Variants in FBXL17 observed in about 807,000 individuals in gnomAD.
FBXL17 encodes F-box and leucine rich repeat protein 17, also known as F-box/LRR-repeat protein 17.
FBXL17 carries 22 observed loss-of-function variants against 66.2 expected under a neutral mutation model. The observed-to-expected ratio is 0.33, with a 90% CI of 0.24 to 0.47. The LOEUF is 0.47. Ranked by LOEUF, FBXL17 falls within the 20% of genes least tolerant of loss-of-function variation. The pLI is 1.00. For synonymous variants in FBXL17, 474 were observed against 400.5 expected, an observed-to-expected ratio of 1.18 and a Z score of -2.19; for missense variants, 878 against 948.2, an observed-to-expected ratio of 0.93 and a Z score of 0.97.
intron 6 of FBXL17, among the ~76,000 whole-genome samples, chr5:108,156,886 A>C (rs1467909798): frequency 6.6e-6 from 1 of 151,980 alleles, no homozygotes; most frequent in Non-Finnish European, 1.5e-5. Flanking sequence ...AACAGACACC[A>C]GAAAAATTAA....
chr5:108,088,650 G>A (rs1445873602), intron 6 of FBXL17, among the ~76,000 whole-genome samples: 2 of 138,912 alleles, frequency 1.4e-5, no homozygotes, highest in South Asian at 2.4e-4. Context: ...GCAGTGAGCC[G>A]AGATTGTGCC....
chr5:108,087,241 A>G (rs1042754388), intron 6 of FBXL17, among the ~76,000 whole-genome samples: 2 of 152,164 alleles, frequency 1.3e-5, no homozygotes, highest in African/African-American at 4.8e-5. Context: ...ACCAATTTAA[A>G]TGTATACAAG....
intron 7 of FBXL17, among the ~76,000 whole-genome samples, chr5:107,986,389 A>T (rs1320388271): frequency 6.6e-6 from 1 of 151,176 alleles, no homozygotes; most frequent in African/African-American, 2.4e-5. Flanking sequence ...ATAAGATTAA[A>T]TATAAAGAAA....
At chr5:108,073,890 G>A (rs1580405612) in intron 6 of FBXL17, among the ~76,000 whole-genome samples, 1 of 152,120 alleles carries the variant, frequency 6.6e-6, no homozygotes, top group Non-Finnish European at 1.5e-5. Context: ...GTGGTGCCAT[G>A]CTTCTACTGC....
intron 7 of FBXL17, among the ~76,000 whole-genome samples, chr5:107,910,913 G>C (rs1348754212): frequency 6.6e-6 from 1 of 152,048 alleles, no homozygotes; most frequent in Non-Finnish European, 1.5e-5. Context: ...GAAATGGAGA[G>C]CTATACCAAA....
intron 1 of FBXL17, among the ~76,000 whole-genome samples, chr5:108,380,184 C>T (rs760497133): frequency 1.3e-5 from 2 of 152,096 alleles, no homozygotes; most frequent in Non-Finnish European, 2.9e-5. Context: ...AAGATATTAA[C>T]AGTATTTATC....
chr5:108,095,873 T>C (rs1297859306), intron 6 of FBXL17, among the ~76,000 whole-genome samples: 1 of 152,132 alleles, frequency 6.6e-6, no homozygotes, highest in East Asian at 1.9e-4. Context: ...GATAAATCAA[T>C]TTCCTAGACA....
intron 4 of FBXL17, among the ~76,000 whole-genome samples, chr5:108,247,196 G>T (rs1756139961): frequency 6.6e-6 from 1 of 152,174 alleles, no homozygotes; most frequent in South Asian, 2.1e-4. Flanking sequence ...TGGCTTCGAA[G>T]AAGAGAAAGC....
intron 8 of FBXL17, among the ~76,000 whole-genome samples, chr5:107,866,484 CCA>C (rs1748278282): frequency 6.6e-6 from 1 of 152,242 alleles, no homozygotes; most frequent in African/African-American, 2.4e-5. Flanking sequence ...GTAAATCACA[CCA>C]CAGTTTCATG....
Position 108,209,579 on chromosome 5 carries a change from T to A in FBXL17, c.1614+14542A>T, listed in dbSNP as rs191586569. On this transcript the variant is annotated intron_variant, in intron 5 of 8. Coordinates refer to ENST00000542267, the MANE Select transcript of FBXL17 (RefSeq NM_001163315.3). ...TCTATTGAGATAATCATGTGTTTTC[T>A]GTCATTGGTTCTGTTTATGTGATGA... Among the ~76,000 whole-genome samples, 22 of 152,354 alleles carry A rather than the reference T, an allele frequency of 1.4e-4. No homozygotes were observed. In the East Asian group the frequency reaches 4.2e-3, roughly 29 times the overall value.
chr5:108,192,009 G>A (rs970738396), intron 5 of FBXL17, among the ~76,000 whole-genome samples: 1 of 152,124 alleles, frequency 6.6e-6, no homozygotes, highest in African/African-American at 2.4e-5. Context: ...TCCAAGAGAC[G>A]AATCCCCAGT....
chr5:108,097,773 A>G (rs990160790), intron 6 of FBXL17, among the ~76,000 whole-genome samples: 1 of 136,272 alleles, frequency 7.3e-6, no homozygotes, highest in African/African-American at 2.7e-5. Context: ...TGGAAGACAG[A>G]GCGAGACTCC....
chr5:108,053,532 T>C (rs528374364), intron 6 of FBXL17, among the ~76,000 whole-genome samples: 33 of 151,944 alleles, frequency 2.2e-4, no homozygotes, highest in East Asian at 1.2e-3. Context: ...TCACTGATCA[T>C]TGGAGACATG....
chr5:108,299,527 T>C (rs138271420), intron 4 of FBXL17: 4 of 954,464 alleles, frequency 4.2e-6, no homozygotes, highest in Non-Finnish European at 5.0e-6. Flanking sequence ...GGCTAATTTC[T>C]ATATAATCCT....
At chr5:107,975,615 C>A (rs1752547125) in intron 7 of FBXL17, among the ~76,000 whole-genome samples, 1 of 149,002 alleles carries the variant, frequency 6.7e-6, no homozygotes, top group Non-Finnish European at 1.5e-5. Flanking sequence ...ATAAATGTAT[C>A]ATTGTCTGGG....
intron 7 of FBXL17, among the ~76,000 whole-genome samples, chr5:107,941,724 G>A (rs1320117349): frequency 6.6e-6 from 1 of 152,104 alleles, no homozygotes; most frequent in Non-Finnish European, 1.5e-5. Flanking sequence ...CTTCAAGTTA[G>A]CACTCACATT....
chr5:108,166,726 A>G (rs1752430344), intron 6 of FBXL17, among the ~76,000 whole-genome samples: 1 of 152,198 alleles, frequency 6.6e-6, no homozygotes, highest in Admixed American at 6.5e-5. Context: ...ACTACTTCCA[A>G]TCAGATCCTT....
rs116130048 is a variant in FBXL17 at position 107,970,021 on chromosome 5, G to C, written c.1822+50904C>G. The stretch of plus-strand genomic sequence containing the variant: ...CTAATTAACCCAAGCATATCTTAAG[G>C]CTTTCAAAAGAGAACATACAATAAC... On this transcript the variant is annotated intron_variant, in intron 7 of 8. Coordinates refer to ENST00000542267, the MANE Select transcript of FBXL17 (RefSeq NM_001163315.3). Among the ~76,000 whole-genome samples the C allele has an allele frequency of 3.7e-3, 561 of 152,200 alleles. 3 individuals carry two copies. The highest frequency in any genetic ancestry group is 0.012 in the African/African-American group (505 of 41,536).
At chr5:108,369,330 A>G (rs1464147601) in intron 1 of FBXL17, among the ~76,000 whole-genome samples, 1 of 152,164 alleles carries the variant, frequency 6.6e-6, no homozygotes, top group Non-Finnish European at 1.5e-5. Flanking sequence ...TCTGGACCGA[A>G]CCAATGTATA....
Sources: gnomAD v4.1 joint callset for allele counts (sites outside exome capture counted in the v4.1 genomes callset) on GRCh38, gnomAD v4.1.1 for gene constraint, MANE v1.5 for transcripts, NCBI Gene and HGNC (gene_info 2026-07-23, HGNC 2026-07-21) for gene names.